The following DNAJA3 variants were observed in gnomAD, a reference collection of about 807,000 sequenced individuals.
DNAJA3 encodes the protein DnaJ heat shock protein family (Hsp40) member A3.
Under a neutral mutation model 54.9 loss-of-function variants are expected in DNAJA3, and 29 were observed. The observed-to-expected ratio is 0.53, with a 90% CI of 0.39 to 0.72. The LOEUF (loss-of-function observed/expected upper bound fraction) is 0.72, where lower values mean the gene tolerates loss of function less well. DNAJA3 is among the 30% of genes least tolerant of loss of function. The pLI is 0.00. For missense variants in DNAJA3, 708 were observed against 639.4 expected, an observed-to-expected ratio of 1.11 and a Z score of -1.16; for synonymous variants, 302 against 251.4, an observed-to-expected ratio of 1.20 and a Z score of -1.90.
At chr16:4,447,264 A>G in intron 8 of DNAJA3, 1 of 485,404 alleles carries the variant, frequency 2.1e-6, no homozygotes, top group Non-Finnish European at 3.7e-6. Flanking sequence ...GGGGCCTGGG[A>G]ACTGGGCGCA....
rs2056856299 is a variant in DNAJA3, at chr16:4,443,044, A to T, written c.811A>T (p.Met271Leu). ...METINTGPFV[M>L]RSTCRRCGGR... is the part of the protein sequence containing the mutation. ...AACCATCAACACAGGCCCTTTTGTG[A>T]TGCGTTCCACGTGTAGGAGATGTGG... The change falls in exon 6 of 12, where the codon ATG becomes TTG. Residue 271 changes from methionine to leucine, a missense_variant. Met to Leu is a conservative substitution (Grantham distance 15). Transcript: ENST00000262375. The T allele has an allele frequency of 1.9e-6, 3 of 1,613,906 alleles. No individual in the cohort carries two copies. The highest frequency in any genetic ancestry group is 1.1e-5 in the South Asian group (1 of 91,072).
At chr16:4,438,703 C>T (rs1252099293) in intron 3 of DNAJA3, among the ~76,000 whole-genome samples, 4 of 145,090 alleles carry the variant, frequency 2.8e-5, no homozygotes, top group Non-Finnish European at 5.9e-5. Flanking sequence ...TCTTGAACTC[C>T]TGAGCTGAAG....
At chr16:4,433,726 G>T (rs545364753) in intron 1 of DNAJA3, 5 of 152,138 alleles carry the variant, frequency 3.3e-5, no homozygotes, top group South Asian at 2.1e-4. Context: ...GGCATAAGAG[G>T]GGGGAGCTGA....
rs537238066 is a variant in DNAJA3 at position 4,439,355 on chromosome 16, C to CA, written c.429+1886dup. ...TGGGCAACAGAGCGAGACTCCCAAT[C>CA]AAAAAAAAAAAAAAAAGAGTTGAGG... is the stretch of plus-strand genomic sequence containing the variant. On this transcript the variant is annotated intron_variant, in intron 3 of 11. Coordinates refer to ENST00000262375, the MANE Select transcript of DNAJA3 (RefSeq NM_005147.6). Among the ~76,000 whole-genome samples the CA allele has an allele frequency of 8.4e-3, 839 of 100,460 alleles. 1 individual carries two copies. Among genetic ancestry groups the CA allele is most frequent in the African/African-American group, 0.022 (586 of 26,852 alleles). The allele number at this position is 100,460 out of a possible 152,430, so 65.9% of individuals were successfully genotyped here.
At chr16:4,446,796 A>G in intron 7 of DNAJA3, 90 bp from the exon 8 acceptor site, 1 of 1,518,118 alleles carries the variant, frequency 6.6e-7, no homozygotes, top group South Asian at 1.2e-5. Context: ...GTAGTTTGTC[A>G]GGTCTGAGCT....
rs1370062897 is a variant in DNAJA3, at chr16:4,455,853, T to C, written c.*321T>C. On this transcript the variant is annotated 3_prime_UTR_variant, in exon 12 of 12. Coordinates refer to ENST00000262375, the MANE Select transcript of DNAJA3 (RefSeq NM_005147.6). ...GCAGGGCTAAAACTCTAATTTGGAA[T>C]TGAATATTGTGGATATCTTAGTTAA... is the stretch of plus-strand genomic sequence containing the variant. 4.8e-5 allele frequency: 26 copies of C among 543,022 alleles called. No individual in the cohort carries two copies. Among genetic ancestry groups the C allele is most frequent in the Admixed American group, 2.1e-4 (7 of 32,792 alleles). The allele number at this position is 543,022 out of a possible 1,614,324, so 33.6% of individuals were successfully genotyped here. A position where few individuals can be genotyped will look rare whatever the true frequency, so the allele number is the denominator to read the frequency against.
intron 10 of DNAJA3, among the ~76,000 whole-genome samples, chr16:4,451,091 C>T (rs763848536): frequency 1.1e-4 from 17 of 152,174 alleles, no homozygotes; most frequent in Non-Finnish European, 1.9e-4. Context: ...GTCACCAGAA[C>T]ACCTGCTGTG....
At chr16:4,450,324 G>C (rs1277429638) in intron 9 of DNAJA3, 76 bp from the exon 10 acceptor site, 11 of 1,244,678 alleles carry the variant, frequency 8.8e-6, no homozygotes, top group Non-Finnish European at 1.2e-5. Flanking sequence ...TGTGCTGCGA[G>C]GGTGCTGGCT....
At position 4,438,541 on chromosome 16, in the gene DNAJA3, AG is replaced by A. The variant is rs377213404; in HGVS notation, c.429+1058del. ...CCTATAAGAATGTCAATGTAATCAG[AG>A]GACAAAGCATACATCTCTGAAAACA... On this transcript the variant is annotated intron_variant, in intron 3 of 11. Transcript: ENST00000262375. Among the ~76,000 whole-genome samples the A allele has an allele frequency of 2.7e-3, 411 of 152,176 alleles. 4 individuals carry two copies. The highest frequency in any genetic ancestry group is 9.5e-3 in the African/African-American group (393 of 41,538).
chr16:4,456,601 C>A lies in DNAJA3; in HGVS notation c.*1069C>A, dbSNP rs1330450702. On this transcript the variant is annotated 3_prime_UTR_variant, in exon 12 of 12. Coordinates refer to ENST00000262375, the MANE Select transcript of DNAJA3 (RefSeq NM_005147.6). ...TCGCAGTTTCCATGTGTTTCAGGAT[C>A]TTCGGGCTGTCGTTAGACAGGTTAA... 6.6e-6 allele frequency: 1 copy of A among 152,654 alleles called. No homozygotes were observed. Among genetic ancestry groups the A allele is most frequent in the Non-Finnish European group, 1.5e-5 (1 of 68,042 alleles). The allele number at this position is 152,654 out of a possible 1,614,324, so 9.5% of individuals were successfully genotyped here.
At chr16:4,428,585 C>T (rs1020807772) in intron 1 of DNAJA3, among the ~76,000 whole-genome samples, 5 of 152,188 alleles carry the variant, frequency 3.3e-5, no homozygotes, top group African/African-American at 1.2e-4. Flanking sequence ...GAAACAGGCA[C>T]TAAACACTAA....
chr16:4,441,504 A>G lies in DNAJA3; in HGVS notation c.559A>G (p.Arg187Gly), dbSNP rs761915785. 3 of 1,614,238 alleles carry G rather than the reference A, an allele frequency of 1.9e-6. No individual in the cohort carries two copies. The highest frequency in any genetic ancestry group is 4.5e-5 in the East Asian group (2 of 44,884). The change falls in exon 4 of 12, where the codon AGG (arginine) becomes GGG (glycine). Residue 187 changes from arginine (R) to glycine (G), a missense_variant. Physicochemically the swap from Arg to Gly is moderately radical, Grantham distance 125. Transcript: ENST00000262375. ...GPTVDPEELFRKIFGEFSSSS... is the reference protein window; with the variant it reads ...GPTVDPEELFGKIFGEFSSSS... ...CACTGTGGACCCCGAGGAGCTGTTC[A>G]GGAAGATCTTTGGCGAGTTCTCATC...
intron 10 of DNAJA3, among the ~76,000 whole-genome samples, chr16:4,452,866 G>A (rs941596263): frequency 1.3e-5 from 2 of 152,140 alleles, no homozygotes; most frequent in Non-Finnish European, 2.9e-5. Flanking sequence ...AGTCATGACA[G>A]CGACACTGTA....
chr16:4,442,490 T>C, intron 5 of DNAJA3, 70 bp downstream of exon 5: 1 of 1,469,238 alleles, frequency 6.8e-7, no homozygotes, highest in Non-Finnish European at 9.1e-7. Flanking sequence ...GTTGTGGCAC[T>C]GCTCCCAGAG....
In DNAJA3 at chr16:4,456,680, A is replaced by G. The variant is rs2057040270; in HGVS notation, c.*1148A>G. On this transcript the variant is annotated 3_prime_UTR_variant, in exon 12 of 12. Transcript: ENST00000262375. ...TTGTTTTCCTTTATAATTCACTAAAATAAAGCATCTATTAGTGTCTGATTT... is the reference window on the plus strand; with the variant it reads ...TTGTTTTCCTTTATAATTCACTAAAGTAAAGCATCTATTAGTGTCTGATTT... The G allele has an allele frequency of 1.3e-5, 2 of 152,680 alleles. No homozygotes were observed. 9.5% of individuals were successfully genotyped at this position (152,680 alleles called of 1,614,324 possible). A position where few individuals can be genotyped will look rare whatever the true frequency, so the allele number is the denominator to read the frequency against.
At chr16:4,432,670 A>G (rs1185316161) in intron 1 of DNAJA3, among the ~76,000 whole-genome samples, 2 of 151,948 alleles carry the variant, frequency 1.3e-5, no homozygotes, top group African/African-American at 2.4e-5. Context: ...AACAGATTTC[A>G]TCTATTAAAA....
chr16:4,451,620 G>GGT (rs1305474755), intron 10 of DNAJA3, among the ~76,000 whole-genome samples: 1 of 151,826 alleles, frequency 6.6e-6, no homozygotes, highest in Non-Finnish European at 1.5e-5. Context: ...AGCTGGGTAT[G>GGT]GTGGTGCATG....
Position 4,426,002 on chromosome 16 carries a change from C to G in DNAJA3, c.121C>G (p.Arg41Gly). 1 of 1,604,338 alleles carries G rather than the reference C, an allele frequency of 6.2e-7. No individual in the cohort carries two copies. The change falls in exon 1 of 12, where the codon CGC becomes GGC. Residue 41 changes from arginine to glycine, a missense_variant. Physicochemically the swap from Arg to Gly is moderately radical, Grantham distance 125 (BLOSUM62 -2). Coordinates refer to ENST00000262375, the MANE Select transcript of DNAJA3 (RefSeq NM_005147.6). ...REGVVGAWLS[R>G]KLSVPAFASS... ...GGGCGTGGTGGGGGCATGGCTGAGC[C>G]GCAAGCTGAGCGTCCCCGCCTTTGC...
chr16:4,432,851 C>G (rs1290001546), intron 1 of DNAJA3, among the ~76,000 whole-genome samples: 3 of 151,474 alleles, frequency 2.0e-5, no homozygotes, highest in African/African-American at 7.3e-5. Context: ...AACAAAGAAA[C>G]AAAAAGCCTG....
Sources: gnomAD v4.1 joint callset for allele counts (sites outside exome capture counted in the v4.1 genomes callset) on GRCh38, gnomAD v4.1.1 for gene constraint, MANE v1.5 for transcripts, NCBI Gene and HGNC (gene_info 2026-07-23, HGNC 2026-07-21) for gene names.